The following IFI44L variants were observed in gnomAD, a reference collection of about 807,000 sequenced individuals.
The protein encoded by IFI44L is interferon-induced protein 44-like.
A neutral mutation model predicts 39.3 loss-of-function variants in IFI44L; 40 were observed. The ratio of observed to expected loss-of-function variants is 1.02; its 90% CI spans 0.79 to 1.33. The LOEUF is 1.33. IFI44L is among the 40% of genes most tolerant of loss of function. The probability of loss-of-function intolerance (pLI) is 0.00; values close to 1 mark genes in which losing one functional copy is unlikely to be tolerated. For synonymous variants in IFI44L, 198 were observed against 182.3 expected (o/e 1.09, Z -0.69); for missense variants, 623 against 549.0 (o/e 1.13, Z -1.35).
At position 78,629,707 on chromosome 1, in the gene IFI44L, T is replaced by G. The variant is rs1652667916; in HGVS notation, c.528-13T>G. On this transcript the variant is annotated splice_polypyrimidine_tract_variant and intron_variant, in intron 3 of 8. Coordinates refer to ENST00000370751, the MANE Select transcript of IFI44L (RefSeq NM_006820.4). ...CTGTTCTGATGCTGTATTTAACCAC[T>G]ATATTTTAACAGGCACAGAAATAGG... is the stretch of plus-strand genomic sequence containing the variant. 6.3e-7 allele frequency: 1 copy of G among 1,598,420 alleles called. No individual in the cohort carries two copies.
At chr1:78,635,653 G>A (rs1277078153) in intron 5 of IFI44L, 164 bp downstream of exon 5, 2 of 637,036 alleles carry the variant, frequency 3.1e-6, no homozygotes, top group Non-Finnish European at 5.3e-6. Flanking sequence ...AAAGTAGAGT[G>A]ACTATTGTTC....
At chr1:78,625,791 T>A (rs1405923567) in intron 1 of IFI44L, 5 of 152,006 alleles carry the variant, frequency 3.3e-5, no homozygotes, top group African/African-American at 1.2e-4. Context: ...CTTATATGAT[T>A]TTTGTAACAT....
At position 78,641,390 on chromosome 1, in the gene IFI44L, A is replaced by G. The variant is rs780134439; in HGVS notation, c.1150-45A>G. ...TGTATTTAAAATTGGTCAAATTTCA[A>G]ATATTAAATACAGGACTTACACTTT... On this transcript the variant is annotated intron_variant, in intron 7 of 8. Coordinates refer to ENST00000370751, the MANE Select transcript of IFI44L (RefSeq NM_006820.4). The G allele has an allele frequency of 5.8e-6, 9 of 1,539,612 alleles. No individual in the cohort carries two copies. The African/African-American group carries it at 9.7e-5, about 17-fold the overall frequency.
At chr1:78,628,764 G>A (rs1274587623) in intron 2 of IFI44L, 187 bp from the exon 3 acceptor site, 5 of 567,318 alleles carry the variant, frequency 8.8e-6, no homozygotes, top group Non-Finnish European at 1.6e-5. Flanking sequence ...AGCTTCCAGA[G>A]CAAGTTAATG....
At position 78,637,215 on chromosome 1, in the gene IFI44L, T is replaced by A; in HGVS notation, c.1048+12T>A. 1 of 1,571,054 alleles carries A rather than the reference T, an allele frequency of 6.4e-7. No homozygotes were observed. Among genetic ancestry groups the A allele is most frequent in the Non-Finnish European group, 8.6e-7 (1 of 1,163,426 alleles). On this transcript the variant is annotated intron_variant, in intron 6 of 8. Transcript: ENST00000370751. ...AGTATTAAACTGTGGTGAGTCTCACTGAACTTATAAAAAAATTTACTTTGA... is the reference window on the plus strand; with the variant it reads ...AGTATTAAACTGTGGTGAGTCTCACAGAACTTATAAAAAAATTTACTTTGA...
intron 4 of IFI44L, among the ~76,000 whole-genome samples, chr1:78,632,080 G>T (rs990834602): frequency 1.3e-5 from 2 of 152,108 alleles, no homozygotes; most frequent in Non-Finnish European, 2.9e-5. Flanking sequence ...TTGAAAATTG[G>T]CAGTTGTCTT....
chr1:78,628,544 A>G, intron 2 of IFI44L, 151 bp downstream of exon 2: 2 of 614,756 alleles, frequency 3.3e-6, no homozygotes, highest in East Asian at 5.5e-5. Context: ...AAACGTGGGG[A>G]ACATAAGGAT....
intron 1 of IFI44L, among the ~76,000 whole-genome samples, chr1:78,623,141 A>G (rs1261141504): frequency 6.6e-6 from 1 of 152,214 alleles, no homozygotes; most frequent in African/African-American, 2.4e-5. Flanking sequence ...AGCAGAGATG[A>G]TTATACTTCC....
intron 1 of IFI44L, chr1:78,626,621 T>C (rs117217258): frequency 6.6e-6 from 1 of 152,082 alleles, no homozygotes; most frequent in Non-Finnish European, 1.5e-5. Context: ...TACTGAAGTA[T>C]GAAATTAACT....
chr1:78,637,208 G>A lies in IFI44L; in HGVS notation c.1048+5G>A. 1 of 1,587,138 alleles carries A rather than the reference G, an allele frequency of 6.3e-7. No individual in the cohort carries two copies. The highest frequency in any genetic ancestry group is 8.5e-7 in the Non-Finnish European group (1 of 1,169,882). On this transcript the variant is annotated splice_donor_5th_base_variant and intron_variant, in intron 6 of 8. Coordinates refer to ENST00000370751, the MANE Select transcript of IFI44L (RefSeq NM_006820.4). ...ACAAAGAAGTATTAAACTGTGGTGA[G>A]TCTCACTGAACTTATAAAAAAATTT...
chr1:78,620,660 C>T (rs1652241818), intron 1 of IFI44L, 89 bp downstream of exon 1: 1 of 152,104 alleles, frequency 6.6e-6, no homozygotes, highest in Non-Finnish European at 1.5e-5. Context: ...ATGTAATGAC[C>T]AAATCAGGAT....
At chr1:78,634,858 G>T (rs1652881420) in intron 4 of IFI44L, among the ~76,000 whole-genome samples, 1 of 151,496 alleles carries the variant, frequency 6.6e-6, no homozygotes, top group African/African-American at 2.4e-5. Flanking sequence ...TCTGTAAGTG[G>T]AGCTGTTATT....
chr1:78,635,018 G>A (rs1296461292), intron 4 of IFI44L, among the ~76,000 whole-genome samples: 1 of 42,930 alleles, frequency 2.3e-5, no homozygotes, highest in Non-Finnish European at 4.1e-5. Flanking sequence ...GTGTGTGTGT[G>A]TGTATGTGTA....
At chr1:78,637,583 T>A (rs146262112) in intron 6 of IFI44L, among the ~76,000 whole-genome samples, 69 of 152,230 alleles carry the variant, frequency 4.5e-4, no homozygotes, top group African/African-American at 1.5e-3. Flanking sequence ...CAACCAAATA[T>A]TACATCACTT....
chr1:78,636,783 C>T, intron 5 of IFI44L: 1 of 393,510 alleles, frequency 2.5e-6, no homozygotes, highest in South Asian at 4.9e-5. Context: ...AACTTTCCTG[C>T]AATACTTACA....
At chr1:78,641,171 A>G (rs1333867013) in intron 7 of IFI44L, 50 bp downstream of exon 7, 4 of 1,278,476 alleles carry the variant, frequency 3.1e-6, no homozygotes, top group African/African-American at 1.5e-5. Context: ...TATCACAATC[A>G]TACGTGTGTG....
intron 4 of IFI44L, among the ~76,000 whole-genome samples, chr1:78,632,121 A>G (rs1652771039): frequency 6.6e-6 from 1 of 152,186 alleles, no homozygotes; most frequent in Non-Finnish European, 1.5e-5. Context: ...CTGAGTTGTT[A>G]ACTGAACTTT....
Position 78,628,204 on chromosome 1 carries a change from G to A in IFI44L, c.289G>A (p.Glu97Lys). Residue 97 changes from glutamate to lysine, a missense_variant, in exon 2 of 9, where the codon GAA becomes AAA. By Grantham distance (56) the Glu-to-Lys change is moderately conservative (BLOSUM62 1). Coordinates refer to ENST00000370751, the MANE Select transcript of IFI44L (RefSeq NM_006820.4). ...AAAGAAAAATGACACCACTGAAATA[G>A]AAACTTTACTCTTAAATACAGCACC... ...LQKKNDTTEI[E>K]TLLLNTAPKI... is the part of the protein sequence containing the mutation. 6.2e-7 allele frequency: 1 copy of A among 1,612,826 alleles called. No individual in the cohort carries two copies.
Position 78,641,129 on chromosome 1 carries a change from A to G in IFI44L, c.1149+8A>G, listed in dbSNP as rs1462002388. ...ATGACTTCTCAAAGCCGGGTAAAAA[A>G]TGCTGATCATAACCAGATATTATTG... On this transcript the variant is annotated splice_region_variant and intron_variant, in intron 7 of 8. Transcript: ENST00000370751. 6.4e-7 allele frequency: 1 copy of G among 1,560,760 alleles called. No individual in the cohort carries two copies. The highest frequency in any genetic ancestry group is 8.8e-7 in the Non-Finnish European group (1 of 1,131,890).
Sources: allele counts gnomAD v4.1 joint callset (sites outside exome capture counted in the v4.1 genomes callset), GRCh38; gene constraint gnomAD v4.1.1; transcripts MANE v1.5; gene names NCBI Gene and HGNC (gene_info 2026-07-23, HGNC 2026-07-21).